ELMOD1: variants seen among roughly 807,000 people sequenced by gnomAD.
ELMOD1 encodes ELMO domain-containing protein 1.
ELMOD1 carries 21 observed loss-of-function variants against 46.7 expected under a neutral mutation model. The observed-to-expected ratio is 0.45, with a 90% CI of 0.32 to 0.65. ELMOD1 has a LOEUF of 0.65. Ranked by LOEUF, ELMOD1 falls within the 30% of genes least tolerant of loss-of-function variation. The pLI, the probability that ELMOD1 is intolerant of heterozygous loss-of-function variation, is 0.04. For synonymous variants in ELMOD1, 122 were observed against 138.2 expected, an observed-to-expected ratio of 0.88 and a Z score of 0.82; for missense variants, 348 against 407.8, an observed-to-expected ratio of 0.85 and a Z score of 1.26.
intron 11 of ELMOD1, 26 bp downstream of exon 11, chr11:107,656,092 A>T (rs1866626544): frequency 6.4e-7 from 1 of 1,550,694 alleles, no homozygotes; most frequent in Non-Finnish European, 8.7e-7. Context: ...TATAATTATC[A>T]ATATAGGTTT....
intron 2 of ELMOD1, among the ~76,000 whole-genome samples, chr11:107,619,597 G>C (rs60891405): frequency 0.037 from 5,651 of 152,136 alleles, 232 homozygotes; most frequent in East Asian, 0.19. Context: ...TTTCTTCCTC[G>C]ATGTCTTATT....
At chr11:107,622,575 C>G (rs1221618073) in intron 2 of ELMOD1, among the ~76,000 whole-genome samples, 2 of 152,230 alleles carry the variant, frequency 1.3e-5, no homozygotes, top group Admixed American at 6.5e-5. Context: ...CCCAGAGAAG[C>G]AAAGTAACCT....
intron 1 of ELMOD1, among the ~76,000 whole-genome samples, chr11:107,609,728 A>G (rs1462854559): frequency 3.3e-5 from 5 of 152,206 alleles, no homozygotes; most frequent in Non-Finnish European, 7.3e-5. Context: ...CAAGAGGCAG[A>G]TAACCTCATA....
rs1186561246 is a variant in ELMOD1, at chr11:107,591,346, G to T, written c.-149G>T. On this transcript the variant is annotated 5_prime_UTR_variant, in exon 1 of 12. Coordinates refer to ENST00000265840, the MANE Select transcript of ELMOD1 (RefSeq NM_018712.4). ...CGCGTAGCCGGAGCGCCTGGGGAAG[G>T]CGGAGATGAAGACCACGCCGCCGCG... 1 of 152,634 alleles carries T rather than the reference G, an allele frequency of 6.6e-6. No homozygotes were observed. The highest frequency in any genetic ancestry group is 1.9e-4 in the East Asian group (1 of 5,182). The allele number at this position is 152,634 out of a possible 1,614,324, so 9.5% of individuals were successfully genotyped here. A position where few individuals can be genotyped will look rare whatever the true frequency, so the allele number is the denominator to read the frequency against.
chr11:107,593,315 G>A (rs958126801), intron 1 of ELMOD1: 9 of 152,192 alleles, frequency 5.9e-5, no homozygotes, highest in African/African-American at 2.2e-4. Flanking sequence ...GGACTTAACT[G>A]AGGCATGATA....
rs576132238 is a variant in ELMOD1, at chr11:107,623,815, T to G, written c.17+5609T>G. 1.8e-3 allele frequency: 269 copies of G among 152,358 alleles called. 1 individual carries two copies. Among genetic ancestry groups the G allele is most frequent in the African/African-American group, 6.1e-3 (255 of 41,578 alleles). 9.4% of individuals were successfully genotyped at this position (152,358 alleles called of 1,614,324 possible). A position where few individuals can be genotyped will look rare whatever the true frequency, so the allele number is the denominator to read the frequency against. ...TAAGTTCTTGACTCATGTTCACTTT[T>G]TCCACTGCCATATCTCCCACTCTCA... On this transcript the variant is annotated intron_variant, in intron 2 of 11. Transcript: ENST00000265840.
At chr11:107,626,656 TTTTC>T (rs1555064837) in intron 2 of ELMOD1, among the ~76,000 whole-genome samples, 12,027 of 147,330 alleles carry the variant, frequency 0.082, 1,592 homozygotes, top group African/African-American at 0.27. Context: ...CTTTCTTTCT[TTTTC>T]TTTCTTTCTT....
chr11:107,616,936 C>T (rs1365531511), intron 1 of ELMOD1, among the ~76,000 whole-genome samples: 1 of 152,014 alleles, frequency 6.6e-6, no homozygotes, highest in African/African-American at 2.4e-5. Context: ...TGGGAACTAA[C>T]CAAATTAAAT....
At chr11:107,626,541 C>G (rs1423257450) in intron 2 of ELMOD1, among the ~76,000 whole-genome samples, 1 of 150,758 alleles carries the variant, frequency 6.6e-6, no homozygotes, top group Non-Finnish European at 1.5e-5. Context: ...TCCTGTCCCT[C>G]CCTTCCCTCC....
chr11:107,641,198 A>G (rs1207207569), intron 6 of ELMOD1, among the ~76,000 whole-genome samples: 3 of 152,106 alleles, frequency 2.0e-5, no homozygotes, highest in Non-Finnish European at 4.4e-5. Flanking sequence ...AGGCTGAGGC[A>G]CTAGAATCAC....
intron 1 of ELMOD1, among the ~76,000 whole-genome samples, chr11:107,610,998 C>CAAAAAAAAAA (rs58417281): frequency 1.3e-4 from 12 of 95,758 alleles, no homozygotes; most frequent in African/African-American, 1.5e-4. Flanking sequence ...TGTAAGAATC[C>CAAAAAAAAAA]AAAAAAAAAA....
chr11:107,658,493 G>A (rs888892990), intron 11 of ELMOD1, among the ~76,000 whole-genome samples: 18 of 152,250 alleles, frequency 1.2e-4, no homozygotes, highest in African/African-American at 4.3e-4. Flanking sequence ...TATAGATTAG[G>A]TTCTATGCTG....
chr11:107,608,365 A>AC (rs397710595), intron 1 of ELMOD1, among the ~76,000 whole-genome samples: 1 of 151,638 alleles, frequency 6.6e-6, no homozygotes, highest in African/African-American at 2.4e-5. Flanking sequence ...TTAAAAAAAA[A>AC]CATATTTTCA....
intron 1 of ELMOD1, among the ~76,000 whole-genome samples, chr11:107,594,810 T>G (rs1177048339): frequency 6.6e-6 from 1 of 152,212 alleles, no homozygotes; most frequent in Non-Finnish European, 1.5e-5. Context: ...TTGATCCAGC[T>G]ATCTTTAAAA....
At chr11:107,621,273 A>C (rs1010221638) in intron 2 of ELMOD1, among the ~76,000 whole-genome samples, 2 of 152,234 alleles carry the variant, frequency 1.3e-5, no homozygotes, top group African/African-American at 4.8e-5. Context: ...AGAGGAAAGG[A>C]AAATATCTGC....
At position 107,631,605 on chromosome 11, in the gene ELMOD1, AC is replaced by A; in HGVS notation, c.222del (p.Asp75ThrfsTer7). ...CTGTTGCAGACTTCTGTGAGTGTTC[AC>A]CCCGACGCTATTGAAAAAACTATAG... ...SKLLQTSVSV[H>X]PDAIEKTIED... On this transcript the variant is annotated frameshift_variant, in exon 5 of 12. Transcript: ENST00000265840. LOFTEE classifies it high-confidence loss of function. 6.4e-7 allele frequency: 1 copy of A among 1,562,540 alleles called. No homozygotes were observed. The highest frequency in any genetic ancestry group is 8.7e-7 in the Non-Finnish European group (1 of 1,153,318).
chr11:107,616,479 A>G (rs996038315), intron 1 of ELMOD1, among the ~76,000 whole-genome samples: 1 of 152,076 alleles, frequency 6.6e-6, no homozygotes, highest in African/African-American at 2.4e-5. Context: ...TCCCGGTTCA[A>G]GTGATTCTCC....
intron 9 of ELMOD1, among the ~76,000 whole-genome samples, chr11:107,652,717 C>A (rs771871799): frequency 6.6e-6 from 1 of 152,040 alleles, no homozygotes; most frequent in Non-Finnish European, 1.5e-5. Flanking sequence ...GGTTTGTTAG[C>A]CAGAAGTTAC....
intron 11 of ELMOD1, among the ~76,000 whole-genome samples, chr11:107,661,187 A>G (rs764975218): frequency 6.6e-6 from 1 of 152,206 alleles, no homozygotes; most frequent in African/African-American, 2.4e-5. Context: ...AATCCTGAGC[A>G]TGGCGTCAGA....
Sources: allele counts gnomAD v4.1 joint callset (sites outside exome capture counted in the v4.1 genomes callset), GRCh38; gene constraint gnomAD v4.1.1; transcripts MANE v1.5; gene names NCBI Gene and HGNC (gene_info 2026-07-23, HGNC 2026-07-21).